SLC6A11: variants seen among roughly 807,000 people sequenced by gnomAD.
SLC6A11 encodes the protein solute carrier family 6 member 11, also known as sodium- and chloride-dependent GABA transporter 3.
SLC6A11 carries 25 observed loss-of-function variants against 74.8 expected under a neutral mutation model. The observed-to-expected ratio is 0.33, with a 90% confidence interval of 0.24 to 0.47. The LOEUF is 0.47. Ranked by LOEUF, SLC6A11 falls within the 20% of genes least tolerant of loss-of-function variation. The probability of loss-of-function intolerance (pLI) is 1.00; values close to 1 mark genes in which losing one functional copy is unlikely to be tolerated. For missense variants in SLC6A11, 574 were observed against 837.0 expected (o/e 0.69, Z 3.88); for synonymous variants, 330 against 330.2 (o/e 1.00, Z 0.01).
At chr3:10,876,217 TG>T (rs1196136348) in intron 6 of SLC6A11, among the ~76,000 whole-genome samples, 1 of 152,194 alleles carries the variant, frequency 6.6e-6, no homozygotes, top group Non-Finnish European at 1.5e-5. Flanking sequence ...AGCTCATTTT[TG>T]TCTCAGTTTG....
intron 6 of SLC6A11, among the ~76,000 whole-genome samples, chr3:10,890,886 G>T (rs1299186679): frequency 6.6e-6 from 1 of 152,212 alleles, no homozygotes; most frequent in African/African-American, 2.4e-5. Flanking sequence ...TTGTAGGATG[G>T]TAATTTTTAA....
rs556129732 is a variant in SLC6A11, at chr3:10,930,229, T to G, written c.1371+890T>G. Among the ~76,000 whole-genome samples, 4 of 152,290 alleles carry G rather than the reference T, an allele frequency of 2.6e-5. No homozygotes were observed. In the South Asian group the frequency reaches 6.2e-4, roughly 24 times the overall value. Reference sequence around the variant, plus strand: ...TCCTGGAAGCCTTCTTAGCTTGCCTTCCCTCATTCATGCCCCCAGCTCCTA... The same window carrying G: ...TCCTGGAAGCCTTCTTAGCTTGCCTGCCCTCATTCATGCCCCCAGCTCCTA... On this transcript the variant is annotated intron_variant, in intron 10 of 13. Transcript: ENST00000254488.
Position 10,816,648 on chromosome 3 carries a change from C to A in SLC6A11, c.256+127C>A. 1 of 1,018,620 alleles carries A rather than the reference C, an allele frequency of 9.8e-7. No individual in the cohort carries two copies. Among genetic ancestry groups the A allele is most frequent in the Non-Finnish European group, 1.4e-6 (1 of 732,704 alleles). 63.1% of individuals were successfully genotyped at this position (1,018,620 alleles called of 1,614,324 possible). A position where few individuals can be genotyped will look rare whatever the true frequency, so the allele number is the denominator to read the frequency against. On this transcript the variant is annotated intron_variant, in intron 1 of 13. Transcript: ENST00000254488. This position sits in a 1 kb window ranked among gnomAD's most constrained non-coding sequence, Gnocchi z 4.2. ...GAACCCGAGCGGAGAACCTCGACTC[C>A]AGGCACCTCGCGTGTGAGCTCGCCC...
At chr3:10,900,640 C>T (rs1036409502) in intron 6 of SLC6A11, among the ~76,000 whole-genome samples, 1 of 152,208 alleles carries the variant, frequency 6.6e-6, no homozygotes, top group Non-Finnish European at 1.5e-5. Flanking sequence ...CCAGGCTTGC[C>T]ATTTCATTTC....
At position 10,940,574 on chromosome 3, in the gene SLC6A11, A is replaced by T. The variant is rs538317589; in HGVS notation, c.*2172A>T. 1 of 152,234 alleles carries T rather than the reference A, an allele frequency of 6.6e-6. No individual in the cohort carries two copies. Among genetic ancestry groups the T allele is most frequent in the East Asian group, 1.9e-4 (1 of 5,186 alleles). 9.4% of individuals were successfully genotyped at this position (152,234 alleles called of 1,614,324 possible). On this transcript the variant is annotated 3_prime_UTR_variant, in exon 14 of 14. Transcript: ENST00000254488. Reference sequence around the variant, plus strand: ...TTTTGATATTCATTAGAAACAATACATCCTTTCTGAGATATTTACAGTATT... The same window carrying T: ...TTTTGATATTCATTAGAAACAATACTTCCTTTCTGAGATATTTACAGTATT...
intron 5 of SLC6A11, among the ~76,000 whole-genome samples, chr3:10,871,120 C>G (rs563260625): frequency 7.4e-4 from 112 of 152,274 alleles, no homozygotes; most frequent in African/African-American, 2.4e-3. Context: ...ACTGTAGTAA[C>G]TGAGGAGCAG....
chr3:10,833,827 A>G (rs564284187), intron 4 of SLC6A11, among the ~76,000 whole-genome samples: 2 of 152,286 alleles, frequency 1.3e-5, no homozygotes, highest in East Asian at 3.9e-4. Context: ...ATTACAGTAA[A>G]CATATTTGTG....
intron 9 of SLC6A11, among the ~76,000 whole-genome samples, chr3:10,927,262 C>T (rs1172807475): frequency 6.6e-6 from 1 of 152,180 alleles, no homozygotes; most frequent in Non-Finnish European, 1.5e-5. Context: ...CGTGACAGGC[C>T]AGGCCTGCCT....
In SLC6A11 at chr3:10,890,947, AC is replaced by A. The variant is rs530779797; in HGVS notation, c.891+15855del. Among the ~76,000 whole-genome samples, 72 of 152,320 alleles carry A rather than the reference AC, an allele frequency of 4.7e-4. No individual in the cohort carries two copies. The East Asian group carries it at 0.013, about 27-fold the overall frequency. The stretch of plus-strand genomic sequence containing the variant: ...TATTGCAAGAGCAGTGTGTAATCAT[AC>A]CCATATCTGGCGCTTTCATGGTGAG... On this transcript the variant is annotated intron_variant, in intron 6 of 13. Coordinates refer to ENST00000254488, the MANE Select transcript of SLC6A11 (RefSeq NM_014229.3).
At chr3:10,846,902 T>C (rs1231766564) in intron 5 of SLC6A11, among the ~76,000 whole-genome samples, 2 of 152,168 alleles carry the variant, frequency 1.3e-5, no homozygotes, top group Non-Finnish European at 2.9e-5. Flanking sequence ...CCCTGGACTC[T>C]CGATTAAGAT....
At position 10,938,525 on chromosome 3, in the gene SLC6A11, A is replaced by C; in HGVS notation, c.*123A>C. On this transcript the variant is annotated 3_prime_UTR_variant, in exon 14 of 14. Transcript: ENST00000254488. Reference sequence around the variant, plus strand: ...TTGTTTTGCACAGGATTAATTAACAAGTTAATTTTAAGGTGGCCACTGTAC... The same window carrying C: ...TTGTTTTGCACAGGATTAATTAACACGTTAATTTTAAGGTGGCCACTGTAC... 2 of 1,072,164 alleles carry C rather than the reference A, an allele frequency of 1.9e-6. No individual in the cohort carries two copies. Among genetic ancestry groups the C allele is most frequent in the East Asian group, 2.6e-5 (1 of 38,992 alleles). The allele number at this position is 1,072,164 out of a possible 1,614,324, so 66.4% of individuals were successfully genotyped here.
chr3:10,852,668 C>T lies in SLC6A11; in HGVS notation c.756+8322C>T, dbSNP rs187533677. The stretch of plus-strand genomic sequence containing the variant: ...TTACCAAGCCCCTCCTGGCACTTGG[C>T]GCCTGTGCAGCGCTGTCCCCGTGCA... On this transcript the variant is annotated intron_variant, in intron 5 of 13. Coordinates refer to ENST00000254488, the MANE Select transcript of SLC6A11 (RefSeq NM_014229.3). 1.2e-4 allele frequency among the ~76,000 whole-genome samples: 18 copies of T among 152,318 alleles called. No individual in the cohort carries two copies. In the East Asian group the frequency reaches 2.7e-3, roughly 23 times the overall value.
intron 6 of SLC6A11, among the ~76,000 whole-genome samples, chr3:10,894,948 G>A (rs1378315301): frequency 6.6e-6 from 1 of 152,180 alleles, no homozygotes; most frequent in Non-Finnish European, 1.5e-5. Context: ...ATAATTTGGA[G>A]CATATTTTTT....
chr3:10,905,196 G>A lies in SLC6A11; in HGVS notation c.892-6894G>A, dbSNP rs573802484. On this transcript the variant is annotated intron_variant, in intron 6 of 13. Transcript: ENST00000254488. ...ATAATGCTTTGGCAGAGATAATGCT[G>A]TGTTCATGTCATTTATTTTTTCTCT... 5.9e-5 allele frequency among the ~76,000 whole-genome samples: 9 copies of A among 152,344 alleles called. No individual in the cohort carries two copies. In the East Asian group the frequency reaches 1.5e-3, roughly 26 times the overall value.
At chr3:10,914,205 C>A (rs1029358446) in intron 7 of SLC6A11, among the ~76,000 whole-genome samples, 4 of 152,136 alleles carry the variant, frequency 2.6e-5, no homozygotes, top group African/African-American at 7.2e-5. Context: ...ATCTTTGAGA[C>A]AGGGAAAGTG....
intron 6 of SLC6A11, among the ~76,000 whole-genome samples, chr3:10,897,310 G>A (rs937616321): frequency 1.3e-5 from 2 of 152,100 alleles, no homozygotes; most frequent in African/African-American, 4.8e-5. Flanking sequence ...GTCCCCCAAA[G>A]TCTTATTTCA....
At chr3:10,900,203 C>T (rs1695223565) in intron 6 of SLC6A11, among the ~76,000 whole-genome samples, 2 of 152,180 alleles carry the variant, frequency 1.3e-5, no homozygotes, top group South Asian at 2.1e-4. Context: ...GGGTAAGCTG[C>T]AATCGGAGCC....
chr3:10,825,834 C>A (rs1045102328), intron 4 of SLC6A11, among the ~76,000 whole-genome samples: 4 of 152,204 alleles, frequency 2.6e-5, no homozygotes, highest in African/African-American at 4.8e-5. Flanking sequence ...TACATAATTT[C>A]CTTTAAGCAC....
intron 8 of SLC6A11, among the ~76,000 whole-genome samples, chr3:10,924,141 G>A (rs1356116515): frequency 1.3e-5 from 2 of 152,076 alleles, no homozygotes; most frequent in African/African-American, 4.8e-5. Context: ...AAAAAAAGGG[G>A]GCAAAAGGAG....
Sources: allele counts gnomAD v4.1 joint callset (sites outside exome capture counted in the v4.1 genomes callset), GRCh38; gene constraint gnomAD v4.1.1; non-coding constraint Gnocchi (gnomAD v3.1); transcripts MANE v1.5; gene names NCBI Gene and HGNC (gene_info 2026-07-23, HGNC 2026-07-21).